The following NFATC1 variants were observed in gnomAD, a reference collection of about 807,000 sequenced individuals.
NFATC1 encodes nuclear factor of activated T cells 1.
In NFATC1, 22 loss-of-function variants were observed where a neutral mutation model predicts 76.0. That is an observed-to-expected ratio of 0.29 (90% CI 0.21 to 0.41). The LOEUF (loss-of-function observed/expected upper bound fraction) is 0.41. NFATC1 is among the 10% of genes least tolerant of loss of function. NFATC1 has a pLI of 1.00. For missense variants in NFATC1, 1,357 were observed against 1,337.7 expected (o/e 1.01, Z -0.23); for synonymous variants, 704 against 613.1 (o/e 1.15, Z -2.19).
chr18:79,466,576 A>T (rs2088506265), intron 7 of NFATC1, among the ~76,000 whole-genome samples: 2 of 152,174 alleles, frequency 1.3e-5, no homozygotes, highest in Non-Finnish European at 2.9e-5. Context: ...TTGAAGGAGC[A>T]TGAGTTTCGT....
At chr18:79,489,277 A>G (rs1435050089) in intron 9 of NFATC1, among the ~76,000 whole-genome samples, 9 of 152,120 alleles carry the variant, frequency 5.9e-5, no homozygotes, top group East Asian at 1.9e-4. Flanking sequence ...GTGCGTGGAC[A>G]TGGAGGGGAT....
chr18:79,494,338 G>A (rs1600919620), intron 9 of NFATC1, among the ~76,000 whole-genome samples: 3 of 131,252 alleles, frequency 2.3e-5, no homozygotes, highest in Admixed American at 7.7e-5. Context: ...GCCGGGGGAA[G>A]GCGAGAGCGG....
At chr18:79,446,477 A>G (rs911845789) in intron 3 of NFATC1, among the ~76,000 whole-genome samples, 4 of 152,168 alleles carry the variant, frequency 2.6e-5, no homozygotes, top group Non-Finnish European at 4.4e-5. Context: ...ATCTCGGAAA[A>G]TGGAATACTG....
intron 2 of NFATC1, among the ~76,000 whole-genome samples, chr18:79,423,694 T>C (rs1417218753): frequency 1.3e-5 from 2 of 152,212 alleles, no homozygotes; most frequent in Admixed American, 1.3e-4. Context: ...AGGGCCGGGC[T>C]GGGTGTCCCC....
intron 2 of NFATC1, among the ~76,000 whole-genome samples, chr18:79,413,873 A>G (rs1238196582): frequency 6.6e-6 from 1 of 152,158 alleles, no homozygotes; most frequent in African/African-American, 2.4e-5. Flanking sequence ...GGTTTCAGGA[A>G]GAATTCCGTG....
At chr18:79,446,639 G>A (rs1175821628) in intron 3 of NFATC1, among the ~76,000 whole-genome samples, 2 of 152,176 alleles carry the variant, frequency 1.3e-5, no homozygotes, top group African/African-American at 2.4e-5. Flanking sequence ...GGCTGGACAG[G>A]CAGGTCCCAG....
intron 2 of NFATC1, among the ~76,000 whole-genome samples, chr18:79,430,542 C>T (rs975401956): frequency 6.6e-6 from 1 of 152,186 alleles, no homozygotes; most frequent in Non-Finnish European, 1.5e-5. Flanking sequence ...GCCACCATGC[C>T]CAGCTAATTT....
chr18:79,432,060 G>A (rs534830658), intron 2 of NFATC1, among the ~76,000 whole-genome samples: 6 of 152,278 alleles, frequency 3.9e-5, no homozygotes, highest in Admixed American at 6.5e-5. Context: ...GGGGGCCTTC[G>A]GGGGGCTCGG....
Position 79,448,807 on chromosome 18 carries a change from C to A in NFATC1, c.1412C>A (p.Pro471Gln), listed in dbSNP as rs367668226. 1 of 1,613,772 alleles carries A rather than the reference C, an allele frequency of 6.2e-7. No individual in the cohort carries two copies. Among genetic ancestry groups the A allele is most frequent in the Non-Finnish European group, 8.5e-7 (1 of 1,179,970 alleles). The change falls in exon 4 of 10, where the codon CCG (proline) becomes CAG (glutamine). Residue 471 changes from proline to glutamine, a missense_variant. Physicochemically the swap from Pro to Gln is moderately conservative, Grantham distance 76 (BLOSUM62 -1). This residue lies in a region of NFATC1 where 242 missense variants were observed against 329.2 expected (regional missense o/e 0.74). Transcript: ENST00000427363. ...VQLHGYLENEPLMLQLFIGTA... is the reference protein window; with the variant it reads ...VQLHGYLENEQLMLQLFIGTA... ...CTGCATGGCTACTTGGAGAATGAGC[C>A]GCTGATGCTGCAGCTTTTCATTGGG...
intron 3 of NFATC1, among the ~76,000 whole-genome samples, chr18:79,439,163 G>A (rs908572189): frequency 3.3e-5 from 5 of 152,144 alleles, no homozygotes; most frequent in South Asian, 2.1e-4. Context: ...CCTCATCCAC[G>A]CTTTCTTAAG....
At chr18:79,428,252 CT>C (rs1411598767) in intron 2 of NFATC1, among the ~76,000 whole-genome samples, 1 of 152,196 alleles carries the variant, frequency 6.6e-6, no homozygotes, top group Non-Finnish European at 1.5e-5. Context: ...AGTTTTACCG[CT>C]GCTGGTTTAG....
intron 9 of NFATC1, among the ~76,000 whole-genome samples, chr18:79,495,537 T>C (rs561580101): frequency 6.6e-6 from 1 of 152,196 alleles, no homozygotes; most frequent in South Asian, 2.1e-4. Context: ...GAGAGAGACA[T>C]AGGGACGAGG....
At chr18:79,507,780 T>C (rs1056917091) in intron 9 of NFATC1, among the ~76,000 whole-genome samples, 4 of 152,236 alleles carry the variant, frequency 2.6e-5, no homozygotes, top group African/African-American at 9.6e-5. Context: ...TAGTAAACGT[T>C]AGTGAGCGCA....
chr18:79,412,458 C>T (rs1358998048), intron 2 of NFATC1, among the ~76,000 whole-genome samples: 1 of 150,370 alleles, frequency 6.7e-6, no homozygotes, highest in East Asian at 2.0e-4. Context: ...TTTCGTCCCT[C>T]CCCACCCCCC....
chr18:79,489,414 T>C (rs954004867), intron 9 of NFATC1, among the ~76,000 whole-genome samples: 21 of 152,196 alleles, frequency 1.4e-4, no homozygotes, highest in African/African-American at 4.1e-4. Flanking sequence ...CACGTTCCCA[T>C]TGGGGCCTCT....
chr18:79,483,879 G>C (rs1600883159), intron 8 of NFATC1, among the ~76,000 whole-genome samples: 1 of 130,652 alleles, frequency 7.7e-6, no homozygotes. Flanking sequence ...AGCGTGACGT[G>C]GTTCCTGGGG....
chr18:79,454,684 C>T (rs1363336452), intron 6 of NFATC1, among the ~76,000 whole-genome samples: 1 of 152,192 alleles, frequency 6.6e-6, no homozygotes, highest in Non-Finnish European at 1.5e-5. Context: ...TTTACAGCTT[C>T]CTCGGAAAAC....
At chr18:79,425,273 C>CTGTTTCTGTTTCTCTGTCTCTGTCTCTG (rs1444724785) in intron 2 of NFATC1, among the ~76,000 whole-genome samples, 1 of 143,430 alleles carries the variant, frequency 7.0e-6, no homozygotes, top group Non-Finnish European at 1.6e-5. Context: ...CTCTGTCTCT[C>CTGTTTCTGTTTCTCTGTCTCTGTCTCTG]TCTCTGTCTG....
intron 9 of NFATC1, among the ~76,000 whole-genome samples, 175 bp downstream of exon 9, chr18:79,487,112 C>T (rs890297749): frequency 1.3e-5 from 2 of 152,164 alleles, no homozygotes; most frequent in Admixed American, 6.5e-5. Context: ...ACGGCGTCAG[C>T]GCCACCTGGG....
Sources: allele counts gnomAD v4.1 joint callset (sites outside exome capture counted in the v4.1 genomes callset), GRCh38; gene constraint gnomAD v4.1.1; regional missense constraint gnomAD v4.1.1; transcripts MANE v1.5; gene names NCBI Gene and HGNC (gene_info 2026-07-23, HGNC 2026-07-21).